The following PLEKHM3 variants were observed in gnomAD, a reference collection of about 807,000 sequenced individuals.
PLEKHM3 encodes pleckstrin homology domain containing M3, also known as pleckstrin homology domain-containing family M member 3.
PLEKHM3 carries 45 observed loss-of-function variants against 81.8 expected under a neutral mutation model. The ratio of observed to expected loss-of-function variants is 0.55; its 90% confidence interval spans 0.43 to 0.71. The LOEUF (loss-of-function observed/expected upper bound fraction) is 0.71, where lower values mean the gene tolerates loss of function less well. Ranked by LOEUF, PLEKHM3 falls within the 30% of genes least tolerant of loss-of-function variation. The pLI is 0.00. For missense variants in PLEKHM3, 788 were observed against 924.3 expected (o/e 0.85, Z 1.91); for synonymous variants, 352 against 356.4 (o/e 0.99, Z 0.14).
At chr2:207,961,043 G>C (rs908866566) in intron 3 of PLEKHM3, among the ~76,000 whole-genome samples, 1 of 152,198 alleles carries the variant, frequency 6.6e-6, no homozygotes, top group Non-Finnish European at 1.5e-5. Flanking sequence ...GTGTTGAAGA[G>C]GCTGACCCAC....
chr2:207,875,616 G>A (rs1256429482), intron 6 of PLEKHM3, among the ~76,000 whole-genome samples: 1 of 152,204 alleles, frequency 6.6e-6, no homozygotes, highest in African/African-American at 2.4e-5. Context: ...GTTCACTGCA[G>A]TATAGGTCCT....
chr2:207,941,697 G>A (rs1189600343), intron 4 of PLEKHM3, among the ~76,000 whole-genome samples: 1 of 152,130 alleles, frequency 6.6e-6, no homozygotes, highest in African/African-American at 2.4e-5. Flanking sequence ...GTACAAAATG[G>A]AAGAAAATAT....
At chr2:207,901,433 C>A in intron 6 of PLEKHM3, 1 of 681,888 alleles carries the variant, frequency 1.5e-6, no homozygotes, top group Non-Finnish European at 2.7e-6. Flanking sequence ...TAGTTATGCT[C>A]AGCAGGTAGT....
intron 3 of PLEKHM3, among the ~76,000 whole-genome samples, chr2:207,955,764 CA>C (rs144853734): frequency 0.053 from 8,035 of 152,188 alleles, 695 homozygotes; most frequent in African/African-American, 0.18. Flanking sequence ...CTGCAGATGA[CA>C]AAACAAGGAC....
At chr2:207,962,675 C>T (rs900233383) in intron 3 of PLEKHM3, among the ~76,000 whole-genome samples, 6 of 152,110 alleles carry the variant, frequency 3.9e-5, no homozygotes, top group Non-Finnish European at 8.8e-5. Context: ...TTTGTGAGGT[C>T]TGTGCTAATT....
chr2:207,921,109 C>T (rs1689167357), intron 5 of PLEKHM3, among the ~76,000 whole-genome samples: 2 of 152,062 alleles, frequency 1.3e-5, no homozygotes, highest in Non-Finnish European at 2.9e-5. Flanking sequence ...AGTGCAGTGG[C>T]ACTATCTTGG....
intron 6 of PLEKHM3, among the ~76,000 whole-genome samples, chr2:207,875,974 C>A (rs1289830776): frequency 6.6e-6 from 1 of 152,172 alleles, no homozygotes; most frequent in Non-Finnish European, 1.5e-5. Flanking sequence ...TGTATACATG[C>A]CCAAATATCC....
intron 7 of PLEKHM3, among the ~76,000 whole-genome samples, chr2:207,833,932 C>G (rs1380740083): frequency 1.3e-5 from 2 of 152,182 alleles, no homozygotes; most frequent in Non-Finnish European, 2.9e-5. Flanking sequence ...TTAAACACAT[C>G]ATTTGATTAA....
chr2:207,956,552 TTTTA>T, intron 3 of PLEKHM3, among the ~76,000 whole-genome samples: 1 of 151,834 alleles, frequency 6.6e-6, no homozygotes. Context: ...AAATTTTTTT[TTTTA>T]AATTTTGGAG....
chr2:207,972,543 T>C (rs899802690), intron 3 of PLEKHM3, among the ~76,000 whole-genome samples: 1 of 129,254 alleles, frequency 7.7e-6, no homozygotes, highest in Non-Finnish European at 1.6e-5. Context: ...GCCGAGATCA[T>C]AACACTGCAC....
intron 3 of PLEKHM3, among the ~76,000 whole-genome samples, chr2:207,958,484 A>G (rs1690596449): frequency 6.6e-6 from 1 of 152,218 alleles, no homozygotes; most frequent in South Asian, 2.1e-4. Flanking sequence ...ACATGGGGCT[A>G]CCAGGATTCT....
chr2:207,908,177 T>C (rs893245046), intron 6 of PLEKHM3, among the ~76,000 whole-genome samples: 1 of 152,212 alleles, frequency 6.6e-6, no homozygotes, highest in Non-Finnish European at 1.5e-5. Context: ...TCTATGGACA[T>C]ATGTTTTCAA....
intron 6 of PLEKHM3, among the ~76,000 whole-genome samples, chr2:207,878,075 A>G (rs2092568265): frequency 6.6e-6 from 1 of 152,148 alleles, no homozygotes; most frequent in South Asian, 2.1e-4. Flanking sequence ...AGTAGCTGGG[A>G]ATACAAGTAC....
Position 207,865,795 on chromosome 2 carries a change from AAAAAAAAGATATATAT to A in PLEKHM3, c.1951-4549_1951-4534del, listed in dbSNP as rs1207590132. Among the ~76,000 whole-genome samples the A allele has an allele frequency of 3.7e-4, 14 of 37,672 alleles. 1 individual carries two copies. The highest frequency in any genetic ancestry group is 1.9e-3 in the African/African-American group (13 of 6,748). The allele number at this position is 37,672 out of a possible 152,430, so 24.7% of individuals were successfully genotyped here. A position where few individuals can be genotyped will look rare whatever the true frequency, so the allele number is the denominator to read the frequency against. On this transcript the variant is annotated intron_variant, in intron 6 of 7. Coordinates refer to ENST00000427836, the MANE Select transcript of PLEKHM3 (RefSeq NM_001080475.3). Reference sequence around the variant, plus strand: ...AAACTCCGACTCAAAAAAAAAAAAAAAAAAAAAGATATATATATATATATATATATATATATATATA... The same window carrying A: ...AAACTCCGACTCAAAAAAAAAAAAAAATATATATATATATATATATATATA...
chr2:207,989,705 G>A (rs1017952315), intron 2 of PLEKHM3, among the ~76,000 whole-genome samples: 3 of 152,174 alleles, frequency 2.0e-5, no homozygotes, highest in Admixed American at 1.3e-4. Context: ...GAGACCCACT[G>A]AAGAGCCTTC....
intron 4 of PLEKHM3, 75 bp from the exon 5 acceptor site, chr2:207,931,194 G>A (rs1396427067): frequency 1.5e-6 from 2 of 1,324,584 alleles, no homozygotes; most frequent in Middle Eastern, 1.9e-4. Flanking sequence ...AGGAACCATA[G>A]CTGAAATATC....
At chr2:207,841,445 T>A (rs1474002028) in intron 7 of PLEKHM3, among the ~76,000 whole-genome samples, 1 of 62,340 alleles carries the variant, frequency 1.6e-5, no homozygotes, top group Non-Finnish European at 2.6e-5. Context: ...CGAGACTCCA[T>A]CTCAAAAAAA....
chr2:207,946,111 T>C (rs574944872), intron 4 of PLEKHM3, among the ~76,000 whole-genome samples: 2 of 152,324 alleles, frequency 1.3e-5, no homozygotes, highest in African/African-American at 4.8e-5. Context: ...GGCTCCTCTC[T>C]CTCAGAATTC....
chr2:207,873,683 C>T (rs886780782), intron 6 of PLEKHM3, among the ~76,000 whole-genome samples: 5 of 152,238 alleles, frequency 3.3e-5, no homozygotes, highest in Non-Finnish European at 7.3e-5. Flanking sequence ...ATCATCCCCT[C>T]ACAGGTATGC....
Sources: allele counts gnomAD v4.1 joint callset (sites outside exome capture counted in the v4.1 genomes callset), GRCh38; gene constraint gnomAD v4.1.1; transcripts MANE v1.5; gene names NCBI Gene and HGNC (gene_info 2026-07-23, HGNC 2026-07-21).